The following CDK14 variants were observed in gnomAD, a reference collection of about 807,000 sequenced individuals.
CDK14 encodes cyclin dependent kinase 14.
In CDK14, 34 loss-of-function variants were observed where a neutral mutation model predicts 60.7. The ratio of observed to expected loss-of-function variants is 0.56; its 90% CI spans 0.43 to 0.75. The LOEUF (loss-of-function observed/expected upper bound fraction) is 0.75, where lower values mean the gene tolerates loss of function less well. Among genes scored for constraint, CDK14 ranks in the 30% least tolerant of loss-of-function variants. CDK14 has a pLI of 0.00. For missense variants in CDK14, 482 were observed against 564.1 expected (o/e 0.85, Z 1.47); for synonymous variants, 197 against 203.7 (o/e 0.97, Z 0.28).
intron 9 of CDK14, among the ~76,000 whole-genome samples, chr7:90,963,086 A>AGAGTGTGTGTATGT (rs146903374): frequency 7.0e-6 from 1 of 142,080 alleles, no homozygotes; most frequent in African/African-American, 2.7e-5. Context: ...TCATCTTAAG[A>AGAGTGTGTGTATGT]GTGTGTGTGT....
chr7:90,651,578 G>A (rs1800643142), intron 2 of CDK14, among the ~76,000 whole-genome samples: 1 of 152,052 alleles, frequency 6.6e-6, no homozygotes, highest in African/African-American at 2.4e-5. Context: ...TAATGTGTGA[G>A]GCTTCTGCTT....
chr7:90,962,860 T>C (rs1428940215), intron 9 of CDK14, among the ~76,000 whole-genome samples: 1 of 152,122 alleles, frequency 6.6e-6, no homozygotes, highest in Non-Finnish European at 1.5e-5. Flanking sequence ...ACATGTAAAA[T>C]TTTTTAAGAA....
At chr7:90,971,461 G>T (rs183293201) in intron 9 of CDK14, among the ~76,000 whole-genome samples, 3 of 152,188 alleles carry the variant, frequency 2.0e-5, no homozygotes, top group African/African-American at 7.2e-5. Flanking sequence ...TTTGAAGGAC[G>T]TGTACATCAT....
chr7:90,894,104 C>T (rs949126788), intron 6 of CDK14, among the ~76,000 whole-genome samples: 1 of 152,162 alleles, frequency 6.6e-6, no homozygotes, highest in African/African-American at 2.4e-5. Flanking sequence ...CAGAAAATCA[C>T]CGTCATCATC....
At chr7:90,944,176 CA>C (rs1379787069) in intron 8 of CDK14, among the ~76,000 whole-genome samples, 1 of 152,154 alleles carries the variant, frequency 6.6e-6, no homozygotes, top group African/African-American at 2.4e-5. Context: ...TTTGGACTTC[CA>C]AGCCTCCATA....
chr7:90,655,206 T>C (rs1800727140), intron 2 of CDK14, among the ~76,000 whole-genome samples: 1 of 152,252 alleles, frequency 6.6e-6, no homozygotes, highest in Non-Finnish European at 1.5e-5. Context: ...TGTATGGATG[T>C]ACCATAGTTT....
At chr7:91,184,478 C>T (rs1398530843) in intron 14 of CDK14, among the ~76,000 whole-genome samples, 2 of 152,082 alleles carry the variant, frequency 1.3e-5, no homozygotes, top group Non-Finnish European at 2.9e-5. Flanking sequence ...CTTTAAAGTC[C>T]AGGAAAATTG....
chr7:90,695,455 G>T (rs1233902843), intron 2 of CDK14, among the ~76,000 whole-genome samples: 1 of 152,172 alleles, frequency 6.6e-6, no homozygotes, highest in Non-Finnish European at 1.5e-5. Context: ...AATGTTTACT[G>T]AGCGTCTACT....
chr7:90,597,392 C>G (rs1028696766), intron 1 of CDK14: 1 of 152,214 alleles, frequency 6.6e-6, no homozygotes, highest in Non-Finnish European at 1.5e-5. Flanking sequence ...AACAAACCAA[C>G]TGACCAACAG....
At chr7:90,848,469 C>T (rs1220583438) in intron 5 of CDK14, among the ~76,000 whole-genome samples, 1 of 152,184 alleles carries the variant, frequency 6.6e-6, no homozygotes, top group Non-Finnish European at 1.5e-5. Context: ...GGGAACTAGA[C>T]CTGACTCTTG....
chr7:91,180,907 A>G (rs1282248631), intron 14 of CDK14, among the ~76,000 whole-genome samples: 1 of 152,172 alleles, frequency 6.6e-6, no homozygotes, highest in African/African-American at 2.4e-5. Context: ...GAGCTTCAAC[A>G]ATTACCAACT....
intron 14 of CDK14, among the ~76,000 whole-genome samples, chr7:91,149,651 A>G (rs538556182): frequency 2.0e-5 from 3 of 152,274 alleles, no homozygotes; most frequent in South Asian, 2.1e-4. Context: ...TCTCTCCACT[A>G]TATATCCTGT....
intron 5 of CDK14, among the ~76,000 whole-genome samples, chr7:90,843,495 A>G (rs955621160): frequency 6.6e-6 from 1 of 152,222 alleles, no homozygotes; most frequent in African/African-American, 2.4e-5. Context: ...GTAAAGCTCT[A>G]GATTTTAAGG....
At chr7:91,095,626 T>C (rs1798960639) in intron 12 of CDK14, among the ~76,000 whole-genome samples, 2 of 152,180 alleles carry the variant, frequency 1.3e-5, no homozygotes, top group African/African-American at 2.4e-5. Context: ...CAAATCATGA[T>C]TCAGCAACTC....
intron 9 of CDK14, among the ~76,000 whole-genome samples, chr7:90,967,173 AGGAG>A (rs1273219644): frequency 1.7e-5 from 2 of 116,566 alleles, no homozygotes; most frequent in Admixed American, 1.7e-4. Context: ...GAGGGAAGGA[AGGAG>A]GGAAGGAAGG....
At chr7:90,973,870 G>C (rs1052841149) in intron 9 of CDK14, among the ~76,000 whole-genome samples, 1 of 152,066 alleles carries the variant, frequency 6.6e-6, no homozygotes, top group Admixed American at 6.6e-5. Context: ...CACTGTGCAC[G>C]CATTGTCTTG....
At chr7:91,025,077 A>T (rs1796535866) in intron 10 of CDK14, among the ~76,000 whole-genome samples, 1 of 152,194 alleles carries the variant, frequency 6.6e-6, no homozygotes, top group Non-Finnish European at 1.5e-5. Flanking sequence ...GCATCAACTG[A>T]AATGAAGGAG....
chr7:90,777,408 C>G (rs1374192998), intron 4 of CDK14, among the ~76,000 whole-genome samples: 8 of 152,130 alleles, frequency 5.3e-5, no homozygotes, highest in Non-Finnish European at 2.9e-5. Flanking sequence ...AGAGACCAGG[C>G]AAAGGAAGAG....
At chr7:90,717,395 A>G (rs1265186889) in intron 2 of CDK14, among the ~76,000 whole-genome samples, 1 of 152,112 alleles carries the variant, frequency 6.6e-6, no homozygotes, top group Non-Finnish European at 1.5e-5. Context: ...TATTGATGGC[A>G]AGCATTGAAG....
Sources: gnomAD v4.1 joint callset for allele counts (sites outside exome capture counted in the v4.1 genomes callset) on GRCh38, gnomAD v4.1.1 for gene constraint, MANE v1.5 for transcripts, NCBI Gene and HGNC (gene_info 2026-07-23, HGNC 2026-07-21) for gene names.